FOXJ3: variants seen among roughly 807,000 people sequenced by gnomAD.
The protein encoded by FOXJ3 is forkhead box protein J3.
Under a neutral mutation model 76.1 loss-of-function variants are expected in FOXJ3, and 22 were observed. The observed-to-expected ratio is 0.29, with a 90% CI of 0.21 to 0.41. The LOEUF is 0.41. Among genes scored for constraint, FOXJ3 ranks in the 10% least tolerant of loss-of-function variants. The probability of loss-of-function intolerance (pLI) is 1.00; values close to 1 mark genes in which losing one functional copy is unlikely to be tolerated. For missense variants in FOXJ3, 613 were observed against 762.1 expected, an observed-to-expected ratio of 0.80 and a Z score of 2.30; for synonymous variants, 269 against 261.2, an observed-to-expected ratio of 1.03 and a Z score of -0.29.
chr1:42,321,142 A>G (rs998260836), intron 1 of FOXJ3, among the ~76,000 whole-genome samples: 1 of 152,172 alleles, frequency 6.6e-6, no homozygotes, highest in Non-Finnish European at 1.5e-5. Context: ...ATAATCATTT[A>G]TATCCCATTC....
intron 1 of FOXJ3, among the ~76,000 whole-genome samples, chr1:42,311,893 T>C (rs1336728519): frequency 6.6e-6 from 1 of 152,188 alleles, no homozygotes; most frequent in East Asian, 1.9e-4. Flanking sequence ...AATCAACAAA[T>C]GTAAAAGTGT....
chr1:42,331,695 T>C (rs1340098092), intron 1 of FOXJ3, among the ~76,000 whole-genome samples: 3 of 152,170 alleles, frequency 2.0e-5, no homozygotes, highest in Non-Finnish European at 4.4e-5. Flanking sequence ...ACAAGGCTTT[T>C]TTTTGAAATG....
chr1:42,186,489 G>A (rs912334557), intron 11 of FOXJ3, among the ~76,000 whole-genome samples: 7 of 152,042 alleles, frequency 4.6e-5, no homozygotes, highest in Admixed American at 2.6e-4. Flanking sequence ...AGGTGTCATC[G>A]GGACCCTAGA....
At chr1:42,302,804 T>G (rs1399896600) in intron 2 of FOXJ3, among the ~76,000 whole-genome samples, 1 of 152,158 alleles carries the variant, frequency 6.6e-6, no homozygotes, top group Non-Finnish European at 1.5e-5. Flanking sequence ...TGTTTTATAT[T>G]TAACTCTTAG....
chr1:42,226,167 A>C (rs1024330140), intron 5 of FOXJ3, among the ~76,000 whole-genome samples: 9 of 152,140 alleles, frequency 5.9e-5, no homozygotes, highest in Non-Finnish European at 1.2e-4. Context: ...TATAATGTCC[A>C]TGCATTAAGC....
At chr1:42,315,335 G>A in intron 1 of FOXJ3, 1 of 694,934 alleles carries the variant, frequency 1.4e-6, no homozygotes, top group Non-Finnish European at 1.8e-6. Flanking sequence ...TTCACAGTAT[G>A]TGATTTTTAC....
intron 5 of FOXJ3, among the ~76,000 whole-genome samples, chr1:42,220,616 G>A (rs767977195): frequency 1.3e-5 from 2 of 152,106 alleles, no homozygotes; most frequent in Non-Finnish European, 2.9e-5. Flanking sequence ...AAAGCCCCTA[G>A]AAGCATCACT....
At chr1:42,182,328 T>C (rs1489967445) in intron 11 of FOXJ3, among the ~76,000 whole-genome samples, 1 of 152,214 alleles carries the variant, frequency 6.6e-6, no homozygotes, top group Non-Finnish European at 1.5e-5. Flanking sequence ...AAAAGTATTT[T>C]TGTATCCATT....
Position 42,241,097 on chromosome 1 carries a change from G to A in FOXJ3, c.445-13131C>T, listed in dbSNP as rs1014767750. ...GAATCTTGGAGAGGCTGCCCACTGT[G>A]GGAAAAGGATAAGTGAGTGATTCCC... is the stretch of plus-strand genomic sequence containing the variant. On this transcript the variant is annotated intron_variant, in intron 4 of 12. Coordinates refer to ENST00000361346, the MANE Select transcript of FOXJ3 (RefSeq NM_014947.5). Among the ~76,000 whole-genome samples the A allele has an allele frequency of 5.9e-5, 9 of 152,172 alleles. No individual in the cohort carries two copies. The East Asian group carries it at 1.2e-3, about 20-fold the overall frequency.
intron 4 of FOXJ3, among the ~76,000 whole-genome samples, chr1:42,239,555 T>C (rs1395567965): frequency 6.6e-6 from 1 of 152,190 alleles, no homozygotes; most frequent in Non-Finnish European, 1.5e-5. Flanking sequence ...ATGGACAACA[T>C]CTTTTGAATG....
chr1:42,257,279 C>T (rs1261097384), intron 4 of FOXJ3, among the ~76,000 whole-genome samples: 1 of 152,126 alleles, frequency 6.6e-6, no homozygotes, highest in African/African-American at 2.4e-5. Context: ...AATCAAGATA[C>T]CCTAAAACAG....
At chr1:42,241,651 A>G (rs1166238834) in intron 4 of FOXJ3, among the ~76,000 whole-genome samples, 4 of 152,094 alleles carry the variant, frequency 2.6e-5, no homozygotes, top group Non-Finnish European at 5.9e-5. Context: ...CCTCCCACAC[A>G]TCACAGCCAC....
intron 2 of FOXJ3, among the ~76,000 whole-genome samples, chr1:42,297,458 G>C (rs1653860334): frequency 6.6e-6 from 1 of 152,170 alleles, no homozygotes; most frequent in African/African-American, 2.4e-5. Flanking sequence ...CTAGTTTATT[G>C]AGGGTTGTTA....
At chr1:42,286,847 T>C (rs928538646) in intron 2 of FOXJ3, among the ~76,000 whole-genome samples, 2 of 151,548 alleles carry the variant, frequency 1.3e-5, no homozygotes, top group African/African-American at 2.4e-5. Context: ...TTGACCAGGC[T>C]GGTGTCGAAC....
chr1:42,309,712 A>G (rs977448343), intron 2 of FOXJ3, among the ~76,000 whole-genome samples: 6 of 152,226 alleles, frequency 3.9e-5, no homozygotes, highest in African/African-American at 1.4e-4. Flanking sequence ...GCACAACCAC[A>G]TGTAACTAGT....
intron 6 of FOXJ3, among the ~76,000 whole-genome samples, chr1:42,201,890 T>C (rs1646770964): frequency 6.6e-6 from 1 of 152,184 alleles, no homozygotes; most frequent in Non-Finnish European, 1.5e-5. Flanking sequence ...GGGTTTAATA[T>C]ATACAAAAGT....
rs1284519851 is a variant in FOXJ3, at chr1:42,199,721, T to A, written c.631-491A>T. Among the ~76,000 whole-genome samples, 4 of 151,684 alleles carry A rather than the reference T, an allele frequency of 2.6e-5. 1 individual carries two copies. Among genetic ancestry groups the A allele is most frequent in the Admixed American group, 2.0e-4 (3 of 15,244 alleles). ...GTTCAACACATTTATAAAATCATAATTATATGATCTAACTTTTAAAAAATA... is the reference window on the plus strand; with the variant it reads ...GTTCAACACATTTATAAAATCATAAATATATGATCTAACTTTTAAAAAATA... On this transcript the variant is annotated intron_variant, in intron 6 of 12. Coordinates refer to ENST00000361346, the MANE Select transcript of FOXJ3 (RefSeq NM_014947.5).
At chr1:42,279,049 G>A (rs747309451) in intron 2 of FOXJ3, among the ~76,000 whole-genome samples, 3 of 152,204 alleles carry the variant, frequency 2.0e-5, no homozygotes, top group South Asian at 2.1e-4. Flanking sequence ...ACCACAAGCC[G>A]TTAAAAGCTT....
At chr1:42,308,959 C>A (rs1053437884) in intron 2 of FOXJ3, among the ~76,000 whole-genome samples, 1 of 99,028 alleles carries the variant, frequency 1.0e-5, no homozygotes, top group Middle Eastern at 8.6e-3. Flanking sequence ...GAAGTCTAAT[C>A]GGTAGAAAGT....
Sources: gnomAD v4.1 joint callset for allele counts (sites outside exome capture counted in the v4.1 genomes callset) on GRCh38, gnomAD v4.1.1 for gene constraint, MANE v1.5 for transcripts, NCBI Gene and HGNC (gene_info 2026-07-23, HGNC 2026-07-21) for gene names.